XPR1: variants seen among roughly 807,000 people sequenced by gnomAD.
XPR1 encodes the protein solute carrier family 53 member 1.
XPR1 carries 28 observed loss-of-function variants against 87.5 expected under a neutral mutation model. The observed-to-expected ratio is 0.32, with a 90% CI of 0.24 to 0.44. The LOEUF (loss-of-function observed/expected upper bound fraction) is 0.44. Among genes scored for constraint, XPR1 ranks in the 20% least tolerant of loss-of-function variants. XPR1 has a pLI of 1.00. For missense variants in XPR1, 559 were observed against 862.3 expected, an observed-to-expected ratio of 0.65 and a Z score of 4.41; for synonymous variants, 300 against 306.1, an observed-to-expected ratio of 0.98 and a Z score of 0.21.
At chr1:180,820,006 C>G (rs1650564835) in intron 7 of XPR1, among the ~76,000 whole-genome samples, 1 of 149,728 alleles carries the variant, frequency 6.7e-6, no homozygotes, top group South Asian at 2.1e-4. Context: ...GGCAACAGAG[C>G]AAGACTCTGT....
chr1:180,886,232 G>A lies in XPR1; in HGVS notation c.*2166G>A, dbSNP rs1653006098. ...TGTTTTTTGTACTTTAAAACTATGG[G>A]GGAAATATCACTGGTCTGTCAAGAA... On this transcript the variant is annotated 3_prime_UTR_variant, in exon 15 of 15. Transcript: ENST00000367590. 6.6e-6 allele frequency: 1 copy of A among 152,070 alleles called. No homozygotes were observed. Among genetic ancestry groups the A allele is most frequent in the South Asian group, 2.1e-4 (1 of 4,808 alleles). The allele number at this position is 152,070 out of a possible 1,614,324, so 9.4% of individuals were successfully genotyped here. A position where few individuals can be genotyped will look rare whatever the true frequency, so the allele number is the denominator to read the frequency against.
chr1:180,774,983 A>T (rs1366211969), intron 2 of XPR1, among the ~76,000 whole-genome samples: 1 of 152,194 alleles, frequency 6.6e-6, no homozygotes, highest in Non-Finnish European at 1.5e-5. Context: ...CTATGTCCTT[A>T]CATGGCAGAA....
chr1:180,694,603 A>C (rs1657099062), intron 2 of XPR1, among the ~76,000 whole-genome samples: 1 of 152,206 alleles, frequency 6.6e-6, no homozygotes, highest in East Asian at 1.9e-4. Flanking sequence ...TTTTTAGTAC[A>C]CTGGATCAAT....
In XPR1 at chr1:180,632,224, C is replaced by T; in HGVS notation, c.23C>T (p.Ser8Phe). Residue 8 changes from serine to phenylalanine, a missense_variant, in exon 1 of 15, where the codon TCC (serine) becomes TTC (phenylalanine). Physicochemically the swap from Ser to Phe is radical, Grantham distance 155. Transcript: ENST00000367590. MKFAEHL[S>F]AHITPEWRKQ... ...AGGATGAAGTTCGCCGAGCACCTCTCCGCGCACATCACTCCCGAGTGGAGG... is the reference window on the plus strand; with the variant it reads ...AGGATGAAGTTCGCCGAGCACCTCTTCGCGCACATCACTCCCGAGTGGAGG... The T allele has an allele frequency of 6.2e-7, 1 of 1,611,554 alleles. No individual in the cohort carries two copies. The highest frequency in any genetic ancestry group is 8.5e-7 in the Non-Finnish European group (1 of 1,178,726).
intron 11 of XPR1, among the ~76,000 whole-genome samples, chr1:180,840,566 GTATATA>G (rs71579073): frequency 5.7e-4 from 78 of 136,380 alleles, no homozygotes; most frequent in Middle Eastern, 3.7e-3. Flanking sequence ...GTGTGTGTGT[GTATATA>G]TATATATATA....
At chr1:180,851,342 A>C (rs1201584369) in intron 11 of XPR1, among the ~76,000 whole-genome samples, 1 of 152,148 alleles carries the variant, frequency 6.6e-6, no homozygotes, top group South Asian at 2.1e-4. Context: ...TGCTTTTTCT[A>C]CTGGAGGTGG....
At chr1:180,881,752 TAAA>T (rs1471166072) in intron 14 of XPR1, among the ~76,000 whole-genome samples, 1 of 152,176 alleles carries the variant, frequency 6.6e-6, no homozygotes, top group East Asian at 1.9e-4. Flanking sequence ...TGCTGAACTT[TAAA>T]TAGAGATTTG....
chr1:180,800,296 C>G (rs1337369388), intron 3 of XPR1, among the ~76,000 whole-genome samples: 6 of 152,156 alleles, frequency 3.9e-5, no homozygotes, highest in Non-Finnish European at 8.8e-5. Flanking sequence ...CCTGGAGTCT[C>G]CAGAAGTTTG....
chr1:180,749,324 A>G (rs1461936614), intron 2 of XPR1, among the ~76,000 whole-genome samples: 3 of 152,236 alleles, frequency 2.0e-5, no homozygotes, highest in Admixed American at 6.5e-5. Flanking sequence ...CATGTTCTAA[A>G]CTATTGTCTA....
chr1:180,843,799 G>A (rs1238958193), intron 11 of XPR1, among the ~76,000 whole-genome samples: 1 of 151,928 alleles, frequency 6.6e-6, no homozygotes, highest in Non-Finnish European at 1.5e-5. Context: ...ACTGATAGAT[G>A]TAATTGGCAT....
At chr1:180,864,691 AAAGAC>A (rs1652329456) in intron 12 of XPR1, among the ~76,000 whole-genome samples, 1 of 152,186 alleles carries the variant, frequency 6.6e-6, no homozygotes, top group African/African-American at 2.4e-5. Context: ...GTATTAATAA[AAAGAC>A]AAGAGGGGCT....
chr1:180,783,989 AG>A (rs1649039882), intron 2 of XPR1, among the ~76,000 whole-genome samples: 1 of 151,926 alleles, frequency 6.6e-6, no homozygotes, highest in African/African-American at 2.4e-5. Context: ...CGGAAGGTGT[AG>A]GTTGCAGTGA....
chr1:180,834,885 T>C lies in XPR1; in HGVS notation c.1146T>C (p.Phe382=), dbSNP rs185833577. 2 of 1,610,854 alleles carry C rather than the reference T, an allele frequency of 1.2e-6. No homozygotes were observed. Among genetic ancestry groups the C allele is most frequent in the African/African-American group, 2.7e-5 (2 of 74,814 alleles). ...TTTTTTTCTTTCAGTTTCGAGTATT[T>C]ACAGCCCCCTTCCATAAGGTAGGCT... The part of the protein sequence containing the change: ...FWLLKLLFRV[F]TAPFHKVGFA... Residue 382 remains phenylalanine (F), a synonymous_variant, in exon 10 of 15, where the codon TTT becomes TTC. Coordinates refer to ENST00000367590, the MANE Select transcript of XPR1 (RefSeq NM_004736.4).
chr1:180,640,656 G>A (rs1414775291), intron 1 of XPR1, among the ~76,000 whole-genome samples: 1 of 152,048 alleles, frequency 6.6e-6, no homozygotes, highest in Non-Finnish European at 1.5e-5. Flanking sequence ...AGTAGAGTGT[G>A]GTCTGTAGGA....
chr1:180,765,359 A>G (rs1296449356), intron 2 of XPR1, among the ~76,000 whole-genome samples: 1 of 152,240 alleles, frequency 6.6e-6, no homozygotes, highest in African/African-American at 2.4e-5. Context: ...CTCATGCATT[A>G]TGCTGGACTG....
chr1:180,704,274 A>ATATATATATATATATATT, intron 2 of XPR1, among the ~76,000 whole-genome samples: 1 of 141,682 alleles, frequency 7.1e-6, no homozygotes, highest in African/African-American at 2.6e-5. Flanking sequence ...ATATATATAT[A>ATATATATATATATATATT]TATTATCAGA....
At chr1:180,704,139 G>T (rs1181934930) in intron 2 of XPR1, among the ~76,000 whole-genome samples, 1 of 149,912 alleles carries the variant, frequency 6.7e-6, no homozygotes, top group East Asian at 1.9e-4. Flanking sequence ...CATAGTTTCT[G>T]TTCTCTTTAT....
At chr1:180,836,271 T>C (rs545897728) in intron 10 of XPR1, among the ~76,000 whole-genome samples, 26 of 151,440 alleles carry the variant, frequency 1.7e-4, no homozygotes, top group Non-Finnish European at 3.4e-4. Flanking sequence ...GATGAGAGAA[T>C]CCCTGGAACC....
intron 1 of XPR1, among the ~76,000 whole-genome samples, chr1:180,648,786 G>GC (rs1181082858): frequency 6.6e-6 from 1 of 152,150 alleles, no homozygotes; most frequent in East Asian, 1.9e-4. Flanking sequence ...GGAATTACAG[G>GC]TGTAAGCCAC....
Sources: allele counts gnomAD v4.1 joint callset (sites outside exome capture counted in the v4.1 genomes callset), GRCh38; gene constraint gnomAD v4.1.1; transcripts MANE v1.5; gene names NCBI Gene and HGNC (gene_info 2026-07-23, HGNC 2026-07-21).